MAP2K4: variants seen among roughly 807,000 people sequenced by gnomAD.
The protein encoded by MAP2K4 is dual specificity mitogen-activated protein kinase kinase 4.
Under a neutral mutation model 48.5 loss-of-function variants are expected in MAP2K4, and 4 were observed. That is an observed-to-expected ratio of 0.08 (90% CI 0.04 to 0.19). The LOEUF is 0.19. Ranked by LOEUF, MAP2K4 falls within the 10% of genes least tolerant of loss-of-function variation. MAP2K4 has a pLI of 1.00. For synonymous variants in MAP2K4, 166 were observed against 173.1 expected (o/e 0.96, Z 0.32); for missense variants, 258 against 493.3 (o/e 0.52, Z 4.52).
At chr17:12,095,749 A>G (rs1231767874) in intron 4 of MAP2K4, 55 bp downstream of exon 4, 18 of 1,577,866 alleles carry the variant, frequency 1.1e-5, no homozygotes, top group Admixed American at 1.8e-5. Flanking sequence ...GGACAAATGA[A>G]GATGGCAGGA....
chr17:12,131,745 T>A (rs1973032506), intron 9 of MAP2K4, among the ~76,000 whole-genome samples: 1 of 152,104 alleles, frequency 6.6e-6, no homozygotes, highest in Admixed American at 6.5e-5. Flanking sequence ...ATGGATTTCA[T>A]TAAAATTAAG....
chr17:12,021,238 G>A, intron 1 of MAP2K4: 2 of 293,126 alleles, frequency 6.8e-6, no homozygotes, highest in Non-Finnish European at 1.3e-5. Context: ...TGGCCCCTGG[G>A]CCCTACCGGG....
intron 1 of MAP2K4, among the ~76,000 whole-genome samples, chr17:12,052,944 G>A (rs561108034): frequency 1.3e-5 from 2 of 151,926 alleles, no homozygotes; most frequent in African/African-American, 2.4e-5. Flanking sequence ...CTACCCCAGC[G>A]TCTCCAAAAT....
At chr17:12,121,011 A>T (rs1245119652) in intron 7 of MAP2K4, among the ~76,000 whole-genome samples, 1 of 152,220 alleles carries the variant, frequency 6.6e-6, no homozygotes, top group Non-Finnish European at 1.5e-5. Flanking sequence ...TGTGTGAACA[A>T]GTGTAAGACA....
chr17:12,038,937 G>A (rs987983699), intron 1 of MAP2K4, among the ~76,000 whole-genome samples: 8 of 152,106 alleles, frequency 5.3e-5, no homozygotes, highest in Admixed American at 3.9e-4. Context: ...CTTTTGAGGA[G>A]TCCTCATTTG....
At chr17:12,110,077 T>A (rs1286392370) in intron 5 of MAP2K4, among the ~76,000 whole-genome samples, 1 of 151,896 alleles carries the variant, frequency 6.6e-6, no homozygotes, top group Non-Finnish European at 1.5e-5. Context: ...AAAAGGAAAT[T>A]TTAGGTTGGA....
intron 1 of MAP2K4, among the ~76,000 whole-genome samples, chr17:12,037,846 T>G (rs1013364097): frequency 1.3e-5 from 2 of 152,134 alleles, no homozygotes; most frequent in East Asian, 1.9e-4. Flanking sequence ...CCTATTCCTC[T>G]CATACTTTAT....
At chr17:12,058,673 A>AC (rs1192160688) in intron 2 of MAP2K4, among the ~76,000 whole-genome samples, 3 of 152,148 alleles carry the variant, frequency 2.0e-5, no homozygotes, top group Non-Finnish European at 2.9e-5. Flanking sequence ...TTTTCCTTCA[A>AC]CCCCTTAGTT....
chr17:12,045,450 G>A (rs1257736570), intron 1 of MAP2K4, among the ~76,000 whole-genome samples: 1 of 152,170 alleles, frequency 6.6e-6, no homozygotes, highest in Non-Finnish European at 1.5e-5. Context: ...TGTCTGTACA[G>A]TGAGGTCAGA....
intron 4 of MAP2K4, among the ~76,000 whole-genome samples, chr17:12,101,508 T>C (rs1315307347): frequency 6.6e-6 from 1 of 152,088 alleles, no homozygotes; most frequent in African/African-American, 2.4e-5. Flanking sequence ...ATGTGGATTT[T>C]AGAATCCACT....
At chr17:12,129,358 A>G (rs1351029570) in intron 9 of MAP2K4, 71 bp downstream of exon 9, 1 of 1,579,844 alleles carries the variant, frequency 6.3e-7, no homozygotes, top group African/African-American at 1.3e-5. Context: ...TCTTAGCAGC[A>G]TTGGTACTTT....
At chr17:12,101,934 A>G (rs11078050) in intron 4 of MAP2K4, among the ~76,000 whole-genome samples, 70,212 of 151,882 alleles carry the variant, frequency 0.46, 17,068 homozygotes, top group East Asian at 0.56. Flanking sequence ...TACATAGATC[A>G]TCATTTTGTC....
rs1390499364 is a variant in MAP2K4, at chr17:12,113,321, T to C, written c.774T>C (p.Ile258=). 3 of 1,613,690 alleles carry C rather than the reference T, an allele frequency of 1.9e-6. No individual in the cohort carries two copies. The highest frequency in any genetic ancestry group is 1.7e-6 in the Non-Finnish European group (2 of 1,179,782). ...FGISGQLVDS[I]AKTRDAGCRP... ...TCAGTGGACAGCTTGTGGACTCTAT[T>C]GCCAAGACAAGAGATGCTGGCTGTA... is the stretch of plus-strand genomic sequence containing the variant. Residue 258 remains isoleucine (I), a synonymous_variant, in exon 7 of 11, where the codon ATT becomes ATC. Transcript: ENST00000353533.
intron 7 of MAP2K4, among the ~76,000 whole-genome samples, chr17:12,120,524 G>A (rs532643315): frequency 6.5e-5 from 8 of 123,322 alleles, no homozygotes; most frequent in African/African-American, 2.2e-4. Flanking sequence ...ATGGAAACAA[G>A]CTCCCTCATT....
At chr17:12,113,927 TCCTACAG>T (rs1245216200) in intron 7 of MAP2K4, among the ~76,000 whole-genome samples, 1 of 152,222 alleles carries the variant, frequency 6.6e-6, no homozygotes, top group Non-Finnish European at 1.5e-5. Context: ...CATACAGTGT[TCCTACAG>T]CCTGGATTTT....
intron 2 of MAP2K4, among the ~76,000 whole-genome samples, chr17:12,059,366 T>A (rs1174418897): frequency 6.6e-6 from 1 of 152,244 alleles, no homozygotes; most frequent in Non-Finnish European, 1.5e-5. Context: ...GTATATGAAT[T>A]TGACAAACAG....
intron 9 of MAP2K4, among the ~76,000 whole-genome samples, chr17:12,129,993 C>T (rs1972973854): frequency 6.6e-6 from 1 of 152,104 alleles, no homozygotes; most frequent in Non-Finnish European, 1.5e-5. Flanking sequence ...ATATTTTTGA[C>T]ATTTATTTTG....
intron 1 of MAP2K4, among the ~76,000 whole-genome samples, chr17:12,038,574 A>G (rs573565405): frequency 3.2e-4 from 48 of 152,188 alleles, no homozygotes; most frequent in Non-Finnish European, 5.0e-4. Context: ...CTTAAAGATG[A>G]ATTAAATCTA....
intron 4 of MAP2K4, among the ~76,000 whole-genome samples, chr17:12,100,028 C>T (rs1282313280): frequency 1.3e-5 from 2 of 151,994 alleles, no homozygotes; most frequent in African/African-American, 4.8e-5. Context: ...TCTCCTTTCC[C>T]TCTTCTTTCT....
Sources: allele counts gnomAD v4.1 joint callset (sites outside exome capture counted in the v4.1 genomes callset), GRCh38; gene constraint gnomAD v4.1.1; transcripts MANE v1.5; gene names NCBI Gene and HGNC (gene_info 2026-07-23, HGNC 2026-07-21).